Variants in DMD observed in about 807,000 individuals in gnomAD.
The protein encoded by DMD is mutant dystrophin.
DMD carries 63 observed loss-of-function variants against 330.1 expected under a neutral mutation model. The ratio of observed to expected loss-of-function variants is 0.19; its 90% confidence interval spans 0.16 to 0.24. The LOEUF is 0.24. Among genes scored for constraint, DMD ranks in the 10% least tolerant of loss-of-function variants. The pLI is 1.00. For synonymous variants in DMD, 1,223 were observed against 959.8 expected, an observed-to-expected ratio of 1.27 and a Z score of -5.07; for missense variants, 3,344 against 2,684.1, an observed-to-expected ratio of 1.25 and a Z score of -5.43.
At chrX:31,177,091 G>A (rs1364511977) in intron 71 of DMD, among the ~76,000 whole-genome samples, 1 of 111,290 alleles carries the variant, frequency 9.0e-6, no homozygotes, top group Non-Finnish European at 1.9e-5. Flanking sequence ...AGCATACTTT[G>A]AAATACCAAA....
chrX:31,867,556 T>G (rs1279606535), intron 48 of DMD, among the ~76,000 whole-genome samples: 1 of 111,202 alleles, frequency 9.0e-6, no homozygotes, highest in Non-Finnish European at 1.9e-5. Context: ...TTGAAAAATT[T>G]CAAAGGATTT....
intron 55 of DMD, among the ~76,000 whole-genome samples, chrX:31,552,087 T>C (rs1289659628): frequency 8.9e-6 from 1 of 112,509 alleles, no homozygotes; most frequent in Admixed American, 9.4e-5. Flanking sequence ...GAATGTGCAC[T>C]GTGAGTTTCT....
intron 47 of DMD, among the ~76,000 whole-genome samples, chrX:31,906,807 C>T (rs2094484168): frequency 8.9e-6 from 1 of 111,823 alleles, no homozygotes; most frequent in Non-Finnish European, 1.9e-5. Flanking sequence ...ATTTCCCCCT[C>T]CAACCTCACC....
intron 43 of DMD, among the ~76,000 whole-genome samples, chrX:32,251,470 C>T (rs1287479158): frequency 9.0e-6 from 1 of 111,326 alleles, no homozygotes; most frequent in Non-Finnish European, 1.9e-5. Flanking sequence ...CAGGGATCAT[C>T]CCTGACACTT....
intron 44 of DMD, among the ~76,000 whole-genome samples, chrX:32,001,630 T>G (rs2095627594): frequency 9.0e-6 from 1 of 111,355 alleles, no homozygotes; most frequent in Admixed American, 9.6e-5. Context: ...AGTGACAGCT[T>G]CAACAACCTT....
chrX:33,283,603 T>A (rs6653898), intron 1 of DMD, among the ~76,000 whole-genome samples: 6,274 of 110,958 alleles, frequency 0.057, 318 homozygotes, highest in East Asian at 0.25. Context: ...GTTTTCATTG[T>A]ATATTTAGTA....
intron 16 of DMD, among the ~76,000 whole-genome samples, chrX:32,555,219 G>A (rs1350492419): frequency 9.0e-6 from 1 of 111,410 alleles, no homozygotes; most frequent in African/African-American, 3.3e-5. Context: ...TATCTCAATA[G>A]ACAACCAAAA....
At chrX:31,206,546 T>G in intron 66 of DMD, 36 bp downstream of exon 66, 4 of 1,115,390 alleles carry the variant, frequency 3.6e-6, no homozygotes, top group Non-Finnish European at 3.7e-6. Flanking sequence ...TAGCCAACAT[T>G]AATAAAAGAA....
chrX:32,148,395 T>C (rs1464315996), intron 44 of DMD, among the ~76,000 whole-genome samples: 1 of 111,690 alleles, frequency 9.0e-6, no homozygotes, highest in African/African-American at 3.3e-5. Flanking sequence ...TTAAGGTATT[T>C]TGAAAATTAA....
At chrX:31,613,376 A>G (rs1162262916) in intron 55 of DMD, among the ~76,000 whole-genome samples, 2 of 111,404 alleles carry the variant, frequency 1.8e-5, no homozygotes, top group Non-Finnish European at 3.8e-5. Context: ...AAACTGCTCC[A>G]TGGAGAGGTC....
intron 1 of DMD, among the ~76,000 whole-genome samples, chrX:33,243,014 T>C (rs904312037): frequency 6.3e-5 from 7 of 111,991 alleles, no homozygotes; most frequent in Non-Finnish European, 9.4e-5. Context: ...GTCAGATGTA[T>C]AGATTGTGAA....
intron 1 of DMD, among the ~76,000 whole-genome samples, chrX:33,204,870 C>A (rs1325656051): frequency 8.9e-6 from 1 of 112,495 alleles, no homozygotes; most frequent in Non-Finnish European, 1.9e-5. Flanking sequence ...ATTTTGAGAG[C>A]CAATCCATTT....
intron 7 of DMD, among the ~76,000 whole-genome samples, chrX:32,790,881 C>T (rs1424678910): frequency 2.7e-5 from 3 of 111,461 alleles, no homozygotes; most frequent in Non-Finnish European, 5.7e-5. Flanking sequence ...CTGAGCATTG[C>T]ACAAGGGACC....
At chrX:32,656,406 TAAGAGAAGTAAGTCTGA>T (rs1446724371) in intron 9 of DMD, among the ~76,000 whole-genome samples, 1 of 111,620 alleles carries the variant, frequency 9.0e-6, no homozygotes, top group East Asian at 2.8e-4. Flanking sequence ...ACACAACATT[TAAGAGAAGTAAGTCTGA>T]AAGAGAAACA....
At chrX:31,379,106 C>T (rs1426215700) in intron 60 of DMD, among the ~76,000 whole-genome samples, 2 of 110,314 alleles carry the variant, frequency 1.8e-5, no homozygotes, top group Non-Finnish European at 3.8e-5. Flanking sequence ...CCACCTGTCC[C>T]CTCAGTCCCA....
chrX:31,449,188 T>C (rs1280399416), intron 59 of DMD, among the ~76,000 whole-genome samples: 1 of 111,417 alleles, frequency 9.0e-6, no homozygotes, highest in Non-Finnish European at 1.9e-5. Flanking sequence ...AGACCTGGCA[T>C]AGTCTGCAGT....
intron 42 of DMD, among the ~76,000 whole-genome samples, chrX:32,306,000 C>T (rs1369071844): frequency 9.1e-6 from 1 of 110,292 alleles, no homozygotes; most frequent in African/African-American, 3.3e-5. Flanking sequence ...TCAATTATAC[C>T]TACGTCTACC....
At chrX:31,672,248 T>C (rs73455992) in intron 53 of DMD, among the ~76,000 whole-genome samples, 2,374 of 112,358 alleles carry the variant, frequency 0.021, 66 homozygotes, top group African/African-American at 0.073. Flanking sequence ...TACTCCATTA[T>C]GGTCATAAAA....
intron 1 of DMD, among the ~76,000 whole-genome samples, chrX:33,157,738 C>A (rs1382261765): frequency 8.9e-6 from 1 of 112,242 alleles, no homozygotes; most frequent in Non-Finnish European, 1.9e-5. Flanking sequence ...GGTGGATCAC[C>A]TGAGGTCAGG....
Sources: allele counts gnomAD v4.1 joint callset (sites outside exome capture counted in the v4.1 genomes callset), GRCh38; gene constraint gnomAD v4.1.1; transcripts MANE v1.5; gene names NCBI Gene and HGNC (gene_info 2026-07-23, HGNC 2026-07-21).